The following FBXL20 variants were observed in gnomAD, a reference collection of about 807,000 sequenced individuals.
The protein encoded by FBXL20 is F-box/LRR-repeat protein 20.
Under a neutral mutation model 64.0 loss-of-function variants are expected in FBXL20, and 11 were observed. The ratio of observed to expected loss-of-function variants is 0.17; its 90% CI spans 0.11 to 0.28. The LOEUF (loss-of-function observed/expected upper bound fraction) is 0.28. Among genes scored for constraint, FBXL20 ranks in the 10% least tolerant of loss-of-function variants. The pLI is 1.00. For missense variants in FBXL20, 303 were observed against 526.2 expected (o/e 0.58, Z 4.15); for synonymous variants, 184 against 189.0 (o/e 0.97, Z 0.22).
chr17:39,266,102 T>A (rs1362556490), intron 12 of FBXL20, among the ~76,000 whole-genome samples: 6 of 141,866 alleles, frequency 4.2e-5, no homozygotes, highest in Non-Finnish European at 9.2e-5. Flanking sequence ...AGACAGAGTC[T>A]CTGTTGCTCA....
chr17:39,400,339 T>G (rs1290160144), intron 1 of FBXL20, among the ~76,000 whole-genome samples: 1 of 152,212 alleles, frequency 6.6e-6, no homozygotes, highest in African/African-American at 2.4e-5. Context: ...ACCCTGAACC[T>G]AGTTGTCGAG....
intron 14 of FBXL20, 119 bp downstream of exon 14, chr17:39,264,056 T>G: frequency 9.0e-7 from 1 of 1,115,310 alleles, no homozygotes; most frequent in South Asian, 1.6e-5. Flanking sequence ...TCTCTTTCCC[T>G]TGTTAAATGT....
intron 1 of FBXL20, among the ~76,000 whole-genome samples, chr17:39,389,021 T>C (rs1323509607): frequency 6.9e-6 from 1 of 145,352 alleles, no homozygotes; most frequent in Non-Finnish European, 1.5e-5. Context: ...GGAGAATCGC[T>C]TGAACCCGGG....
At chr17:39,317,375 G>T (rs1315862783) in intron 2 of FBXL20, among the ~76,000 whole-genome samples, 1 of 152,040 alleles carries the variant, frequency 6.6e-6, no homozygotes, top group Non-Finnish European at 1.5e-5. Context: ...GGGATTACAG[G>T]CATGTGCCAC....
chr17:39,373,820 G>A (rs1426879063), intron 1 of FBXL20, among the ~76,000 whole-genome samples: 1 of 152,164 alleles, frequency 6.6e-6, no homozygotes, highest in Admixed American at 6.5e-5. Flanking sequence ...TGATTGAAGG[G>A]CTAAATGTTT....
At position 39,311,558 on chromosome 17, in the gene FBXL20, ATCT is replaced by A. The variant is rs373676124; in HGVS notation, c.105-7922_105-7920del. Among the ~76,000 whole-genome samples, 224 of 152,192 alleles carry A rather than the reference ATCT, an allele frequency of 1.5e-3. 3 individuals are homozygous for A. The South Asian group carries it at 0.045, about 31-fold the overall frequency. On this transcript the variant is annotated intron_variant, in intron 2 of 14. Coordinates refer to ENST00000264658, the MANE Select transcript of FBXL20 (RefSeq NM_032875.3). Reference sequence around the variant, plus strand: ...GATGGTTCTCCTTAATAAATTTTCTATCTTCTTCAATATTGATTATCCAACTCC... The same window carrying A: ...GATGGTTCTCCTTAATAAATTTTCTATCTTCAATATTGATTATCCAACTCC...
intron 9 of FBXL20, among the ~76,000 whole-genome samples, chr17:39,277,992 T>A (rs2046914086): frequency 6.6e-6 from 1 of 152,100 alleles, no homozygotes; most frequent in Admixed American, 6.6e-5. Flanking sequence ...GTTCTTTACG[T>A]TCACTGTGAT....
chr17:39,401,859 A>C, upstream of FBXL20: 2 of 404,924 alleles, frequency 4.9e-6, no homozygotes, highest in Non-Finnish European at 7.5e-6. Context: ...CCTCCGAGGC[A>C]GACGAGCCCA....
intron 2 of FBXL20, among the ~76,000 whole-genome samples, chr17:39,322,515 T>TA (rs1161663722): frequency 3.3e-5 from 5 of 152,098 alleles, no homozygotes. Context: ...GACTAAATAC[T>TA]AAGATTGAGA....
intron 2 of FBXL20, among the ~76,000 whole-genome samples, chr17:39,325,953 G>A (rs1285206671): frequency 2.0e-5 from 3 of 152,134 alleles, no homozygotes; most frequent in African/African-American, 4.8e-5. Flanking sequence ...CTAGTGAGAG[G>A]TATTAGATCA....
At chr17:39,374,706 T>G (rs2047950308) in intron 1 of FBXL20, among the ~76,000 whole-genome samples, 1 of 152,202 alleles carries the variant, frequency 6.6e-6, no homozygotes, top group Non-Finnish European at 1.5e-5. Flanking sequence ...ATAATTCCAT[T>G]TACACTGAGG....
At chr17:39,398,753 C>A (rs2048212148) in intron 1 of FBXL20, among the ~76,000 whole-genome samples, 1 of 151,468 alleles carries the variant, frequency 6.6e-6, no homozygotes, top group Admixed American at 6.6e-5. Flanking sequence ...CGGCTCAATA[C>A]AACCTCCGCC....
Position 39,292,232 on chromosome 17 carries a change from T to G in FBXL20, c.398+4895A>C, listed in dbSNP as rs1019560647. On this transcript the variant is annotated intron_variant, in intron 6 of 14. Coordinates refer to ENST00000264658, the MANE Select transcript of FBXL20 (RefSeq NM_032875.3). ...ATTTAATACCTTTTTTTCATCTAAT[T>G]TTTTTCCTTAAATTTACGCCATCTG... Among the ~76,000 whole-genome samples the G allele has an allele frequency of 8.6e-5, 13 of 150,680 alleles. 1 individual carries two copies. Among genetic ancestry groups the G allele is most frequent in the African/African-American group, 3.2e-4 (13 of 40,226 alleles).
intron 1 of FBXL20, among the ~76,000 whole-genome samples, chr17:39,389,132 A>G (rs1334662704): frequency 1.4e-5 from 2 of 147,452 alleles, no homozygotes; most frequent in African/African-American, 5.0e-5. Context: ...AAAAAAAATT[A>G]GATCTACATT....
chr17:39,385,300 C>CT (rs2048067766), intron 1 of FBXL20, among the ~76,000 whole-genome samples: 1 of 147,526 alleles, frequency 6.8e-6, no homozygotes, highest in African/African-American at 2.6e-5. Flanking sequence ...CTGGGCAACA[C>CT]TGTGAGACCC....
chr17:39,372,925 T>A (rs560438902), intron 1 of FBXL20, among the ~76,000 whole-genome samples: 1 of 152,174 alleles, frequency 6.6e-6, no homozygotes, highest in Non-Finnish European at 1.5e-5. Context: ...GCGCCCAGCC[T>A]GTTTAATAAC....
chr17:39,397,510 A>T (rs1309365406), intron 1 of FBXL20, among the ~76,000 whole-genome samples: 1 of 152,190 alleles, frequency 6.6e-6, no homozygotes, highest in Non-Finnish European at 1.5e-5. Flanking sequence ...TTTCTCCAAC[A>T]GTACTACATC....
intron 2 of FBXL20, among the ~76,000 whole-genome samples, chr17:39,333,899 CT>C (rs1267489221): frequency 6.6e-6 from 1 of 151,926 alleles, no homozygotes; most frequent in Non-Finnish European, 1.5e-5. Flanking sequence ...TGAGGAGCCC[CT>C]CCGCCCGGCA....
chr17:39,253,821 T>A lies in FBXL20; in HGVS notation c.*7639A>T, dbSNP rs1008161265. On this transcript the variant is annotated 3_prime_UTR_variant, in exon 15 of 15. Transcript: ENST00000264658. ...AAAATCTATTATATAGGAAAGAAAA[T>A]TATTTGTCCACAGGGGAAAAAAGTA... 1 of 152,092 alleles carries A rather than the reference T, an allele frequency of 6.6e-6. No individual in the cohort carries two copies. The highest frequency in any genetic ancestry group is 1.5e-5 in the Non-Finnish European group (1 of 68,010). The allele number at this position is 152,092 out of a possible 1,614,324, so 9.4% of individuals were successfully genotyped here.
Sources: allele counts gnomAD v4.1 joint callset (sites outside exome capture counted in the v4.1 genomes callset), GRCh38; gene constraint gnomAD v4.1.1; transcripts MANE v1.5; gene names NCBI Gene and HGNC (gene_info 2026-07-23, HGNC 2026-07-21).